The following MGA variants were observed in gnomAD, a reference collection of about 807,000 sequenced individuals.
MGA encodes the protein MAX dimerization protein MGA, also known as MAX gene-associated protein.
MGA carries 40 observed loss-of-function variants against 261.1 expected under a neutral mutation model. That is an observed-to-expected ratio of 0.15 (90% confidence interval 0.12 to 0.20). The LOEUF is 0.20. MGA is among the 10% of genes least tolerant of loss of function. The probability of loss-of-function intolerance (pLI) is 1.00; values close to 1 mark genes in which losing one functional copy is unlikely to be tolerated. For missense variants in MGA, 3,397 were observed against 3,630.5 expected (o/e 0.94, Z 1.65); for synonymous variants, 1,302 against 1,290.6 (o/e 1.01, Z -0.19).
At chr15:41,656,768 C>G (rs182731686), upstream of MGA, among the ~76,000 whole-genome samples, 62 of 152,084 alleles carry the variant, frequency 4.1e-4, no homozygotes, top group Non-Finnish European at 8.8e-5. Context: ...GATTAAGAAA[C>G]TCTTTTCTTT....
At chr15:41,680,100 A>G (rs926970243) in intron 2 of MGA, among the ~76,000 whole-genome samples, 43 of 152,148 alleles carry the variant, frequency 2.8e-4, no homozygotes, top group African/African-American at 9.9e-4. Context: ...CATTGTTTTA[A>G]TTGGTATAGC....
intron 2 of MGA, 117 bp from the exon 3 acceptor site, chr15:41,695,958 G>A: frequency 3.9e-6 from 3 of 764,654 alleles, no homozygotes; most frequent in Non-Finnish European, 6.2e-6. Context: ...TTGAGGAATG[G>A]CTCAGGAAAT....
chr15:41,646,339 A>AT (rs1487634257), intron 1 of MGA, among the ~76,000 whole-genome samples: 6 of 150,998 alleles, frequency 4.0e-5, no homozygotes, highest in Non-Finnish European at 8.9e-5. Context: ...ATATTTATTA[A>AT]TTTTTTTCTA....
At chr15:41,741,301 C>T (rs1054457755) in intron 14 of MGA, among the ~76,000 whole-genome samples, 63 of 129,478 alleles carry the variant, frequency 4.9e-4, no homozygotes, top group African/African-American at 1.2e-3. Flanking sequence ...AATCCGAAAT[C>T]GTGCCACTGC....
intron 2 of MGA, among the ~76,000 whole-genome samples, chr15:41,689,400 C>T (rs1265132063): frequency 6.7e-6 from 1 of 149,304 alleles, no homozygotes; most frequent in Non-Finnish European, 1.5e-5. Context: ...TTCTTTCTCT[C>T]TCCCTCTCTT....
At chr15:41,667,790 A>C (rs1005736681) in intron 1 of MGA, among the ~76,000 whole-genome samples, 2 of 152,022 alleles carry the variant, frequency 1.3e-5, no homozygotes, top group Admixed American at 6.5e-5. Flanking sequence ...AAATTTACAG[A>C]ATATTAAATT....
intron 1 of MGA, among the ~76,000 whole-genome samples, chr15:41,654,064 T>G (rs996112985): frequency 1.4e-5 from 1 of 71,288 alleles, no homozygotes; most frequent in Non-Finnish European, 2.7e-5. Context: ...CTGAGATGTC[T>G]CTTGGCTAAT....
chr15:41,646,453 C>T (rs1012936785), intron 1 of MGA, among the ~76,000 whole-genome samples: 8 of 151,558 alleles, frequency 5.3e-5, no homozygotes, highest in Non-Finnish European at 7.4e-5. Flanking sequence ...TCAAGTGATT[C>T]TCATGCCTCA....
chr15:41,643,510 G>A (rs2056869577), intron 1 of MGA, among the ~76,000 whole-genome samples: 1 of 152,036 alleles, frequency 6.6e-6, no homozygotes. Flanking sequence ...AAAGTGCTGG[G>A]ATTACAGGGG....
chr15:41,721,381 T>G (rs2060930848), intron 9 of MGA, among the ~76,000 whole-genome samples: 1 of 152,068 alleles, frequency 6.6e-6, no homozygotes, highest in Non-Finnish European at 1.5e-5. Context: ...GGCACAAAAA[T>G]CGCTTGAACC....
chr15:41,759,438 ATGTGTG>A (rs58952352), intron 19 of MGA, among the ~76,000 whole-genome samples: 1 of 134,788 alleles, frequency 7.4e-6, no homozygotes, highest in Non-Finnish European at 1.6e-5. Context: ...GCTTCTTAAT[ATGTGTG>A]TGTGTGTGTG....
chr15:41,765,230 T>C (rs2063739121), intron 23 of MGA, among the ~76,000 whole-genome samples, 168 bp downstream of exon 23: 1 of 152,240 alleles, frequency 6.6e-6, no homozygotes, highest in Non-Finnish European at 1.5e-5. Context: ...GCTTGAGCTG[T>C]GGTACTGTTT....
At chr15:41,699,411 C>T (rs562346026) in intron 5 of MGA, among the ~76,000 whole-genome samples, 2 of 152,264 alleles carry the variant, frequency 1.3e-5, no homozygotes, top group South Asian at 2.1e-4. Flanking sequence ...CATGGTAAAG[C>T]AAGTGATATT....
rs540345363 is a variant in MGA at position 41,730,198 on chromosome 15, T to C, written c.3843+849T>C. Among the ~76,000 whole-genome samples, 24 of 152,144 alleles carry C rather than the reference T, an allele frequency of 1.6e-4. No individual in the cohort carries two copies. In the South Asian group the frequency reaches 5.0e-3, roughly 32 times the overall value. Reference sequence around the variant, plus strand: ...CGTGAGCCACTGCACCCAGCCACATTTGCATCCAGCACTTTGGGAGGCCGA... The same window carrying C: ...CGTGAGCCACTGCACCCAGCCACATCTGCATCCAGCACTTTGGGAGGCCGA... On this transcript the variant is annotated intron_variant, in intron 11 of 23. Transcript: ENST00000219905.
chr15:41,706,539 T>C (rs1213722233), intron 5 of MGA, among the ~76,000 whole-genome samples: 1 of 152,012 alleles, frequency 6.6e-6, no homozygotes, highest in Non-Finnish European at 1.5e-5. Context: ...CCTGTGACTT[T>C]TAATGGCTTT....
Position 41,740,095 on chromosome 15 carries a change from A to G in MGA, c.4477A>G (p.Thr1493Ala), listed in dbSNP as rs1040107611. 6.2e-7 allele frequency: 1 copy of G among 1,613,842 alleles called. No homozygotes were observed. The highest frequency in any genetic ancestry group is 1.3e-5 in the African/African-American group (1 of 74,910). The change falls in exon 14 of 24, where the codon ACC (threonine) becomes GCC (alanine). Residue 1493 changes from threonine (T) to alanine (A), a missense_variant. Transcript: ENST00000219905. The stretch of plus-strand genomic sequence containing the variant: ...GGTGGCTGCATCCAGGAAACCACGT[A>G]CCCTGTTGCCTTCAACATCCAATTC...
chr15:41,625,375 G>T (rs2140921726), intron 1 of MGA, among the ~76,000 whole-genome samples: 1 of 151,530 alleles, frequency 6.6e-6, no homozygotes, highest in African/African-American at 2.4e-5. Flanking sequence ...GCAAAGCCTG[G>T]CAAATTGTGA....
At chr15:41,648,959 G>A (rs185678350) in intron 1 of MGA, among the ~76,000 whole-genome samples, 85 of 152,170 alleles carry the variant, frequency 5.6e-4, no homozygotes, top group African/African-American at 2.0e-3. Flanking sequence ...CTGAGTAAGA[G>A]CTGCTGGTGG....
rs1341787563 is a variant in MGA at position 41,725,580 on chromosome 15, TCC to T, written c.3431-1598_3431-1597del. Among the ~76,000 whole-genome samples the T allele has an allele frequency of 1.3e-4, 7 of 54,314 alleles. 3 individuals are homozygous for T. The highest frequency in any genetic ancestry group is 4.6e-4 in the Admixed American group (2 of 4,320). The allele number at this position is 54,314 out of a possible 152,430, so 35.6% of individuals were successfully genotyped here. A position where few individuals can be genotyped will look rare whatever the true frequency, so the allele number is the denominator to read the frequency against. The stretch of plus-strand genomic sequence containing the variant: ...CGGGCGCGGTGGCTCACGCCTGTAA[TCC>T]CAGCACTTTGGGAGGCCGAGGCGGG... On this transcript the variant is annotated intron_variant, in intron 9 of 23. Coordinates refer to ENST00000219905, the MANE Select transcript of MGA (RefSeq NM_001164273.2).
Sources: allele counts gnomAD v4.1 joint callset (sites outside exome capture counted in the v4.1 genomes callset), GRCh38; gene constraint gnomAD v4.1.1; transcripts MANE v1.5; gene names NCBI Gene and HGNC (gene_info 2026-07-23, HGNC 2026-07-21).